ABLIM1: variants seen among roughly 807,000 people sequenced by gnomAD.
ABLIM1 encodes the protein actin binding LIM protein 1, also known as actin-binding LIM protein 1.
Under a neutral mutation model 107.0 loss-of-function variants are expected in ABLIM1, and 40 were observed. That is an observed-to-expected ratio of 0.37 (90% CI 0.29 to 0.49). The LOEUF is 0.49. ABLIM1 is among the 20% of genes least tolerant of loss of function. The probability of loss-of-function intolerance (pLI) is 0.97; values close to 1 mark genes in which losing one functional copy is unlikely to be tolerated. For synonymous variants in ABLIM1, 357 were observed against 357.3 expected, an observed-to-expected ratio of 1.00 and a Z score of 0.01; for missense variants, 857 against 1,008.5, an observed-to-expected ratio of 0.85 and a Z score of 2.04.
intron 1 of ABLIM1, among the ~76,000 whole-genome samples, chr10:114,741,966 G>C (rs936490790): frequency 1.3e-5 from 2 of 152,208 alleles, no homozygotes; most frequent in East Asian, 3.8e-4. Flanking sequence ...TTCTAGAGAC[G>C]TGGAGAGCTG....
intron 6 of ABLIM1, among the ~76,000 whole-genome samples, chr10:114,526,044 A>T (rs2475242): frequency 0.77 from 116,611 of 152,138 alleles, 45,199 homozygotes; most frequent in African/African-American, 0.89. Context: ...TTTACTGCAT[A>T]TCAAAGGTGG....
At chr10:114,541,922 A>T (rs200856338) in intron 6 of ABLIM1, among the ~76,000 whole-genome samples, 12 of 144,874 alleles carry the variant, frequency 8.3e-5, no homozygotes, top group Non-Finnish European at 1.7e-4. Context: ...ACACACACAC[A>T]CTCACACACT....
rs1364145638 is a variant in ABLIM1 at position 114,432,275 on chromosome 10, G to A, written c.*3985C>T. Reference sequence around the variant, plus strand: ...AGGTTAAATAGCTACCAGAAACACAGAAGAGGTGGTTAATAAAAACTGAGA... The same window carrying A: ...AGGTTAAATAGCTACCAGAAACACAAAAGAGGTGGTTAATAAAAACTGAGA... On this transcript the variant is annotated 3_prime_UTR_variant, in exon 23 of 23. Coordinates refer to ENST00000533213, the MANE Select transcript of ABLIM1 (RefSeq NM_002313.7). 2 of 152,216 alleles carry A rather than the reference G, an allele frequency of 1.3e-5. No homozygotes were observed. The highest frequency in any genetic ancestry group is 3.8e-4 in the East Asian group (2 of 5,198). The allele number at this position is 152,216 out of a possible 1,614,324, so 9.4% of individuals were successfully genotyped here.
rs113527038 is a variant in ABLIM1, at chr10:114,766,597, CAT to C, written c.-213+1462_-213+1463del. ...CTTCCTAGGGCATACCGAGATTCCACATAGTTACTTGGCCCCTACAGTGTGCA... is the reference window on the plus strand; with the variant it reads ...CTTCCTAGGGCATACCGAGATTCCACAGTTACTTGGCCCCTACAGTGTGCA... On this transcript the variant is annotated intron_variant, in intron 1 of 15. Transcript: ENST00000651092. Among the ~76,000 whole-genome samples, 865 of 152,250 alleles carry C rather than the reference CAT, an allele frequency of 5.7e-3. 11 individuals are homozygous for C. Among genetic ancestry groups the C allele is most frequent in the African/African-American group, 0.019 (803 of 41,518 alleles).
Position 114,576,493 on chromosome 10 carries a change from ATTC to A in ABLIM1, c.380-897_380-895del, listed in dbSNP as rs138844696. Among the ~76,000 whole-genome samples, 378 of 152,294 alleles carry A rather than the reference ATTC, an allele frequency of 2.5e-3. 3 individuals carry two copies. The highest frequency in any genetic ancestry group is 8.8e-3 in the African/African-American group (367 of 41,566). ...TAATTCCTTAGGCAAAGAATCCAGG[ATTC>A]TTCTTGATTATTTGGTATTCAGTTG... On this transcript the variant is annotated intron_variant, in intron 2 of 22. Transcript: ENST00000533213.
rs193101124 is a variant in ABLIM1 at position 114,683,460 on chromosome 10, G to A, written c.64+830C>T. Among the ~76,000 whole-genome samples the A allele has an allele frequency of 9.9e-5, 15 of 152,194 alleles. No individual in the cohort carries two copies. In the East Asian group the frequency reaches 1.7e-3, roughly 18 times the overall value. On this transcript the variant is annotated intron_variant, in intron 1 of 23. Transcript: ENST00000369256. ...CCAACCTCAGATTCCTTTGTACCTC[G>A]TAACAAGTGTATACATGTGAAGTGT...
chr10:114,463,490 T>G (rs1009400828), intron 12 of ABLIM1, among the ~76,000 whole-genome samples: 1 of 152,038 alleles, frequency 6.6e-6, no homozygotes, highest in Non-Finnish European at 1.5e-5. Flanking sequence ...ACAGCTGTTT[T>G]TAAAAAGCAC....
chr10:114,793,357 A>G, the ABLIM1 span, among the ~76,000 whole-genome samples: 55 of 151,988 alleles, frequency 3.6e-4, 2 homozygotes, highest in South Asian at 0.011. Flanking sequence ...TGCCTTGGCC[A>G]TGTGACGTGC....
chr10:114,526,842 G>GCAA, intron 6 of ABLIM1: 1 of 985,424 alleles, frequency 1.0e-6, no homozygotes, highest in Non-Finnish European at 1.2e-6. Flanking sequence ...CTCGGCTAAG[G>GCAA]CAACGTGCAT....
intron 2 of ABLIM1, among the ~76,000 whole-genome samples, chr10:114,585,544 AT>A (rs1260142492): frequency 6.6e-6 from 1 of 152,098 alleles, no homozygotes; most frequent in African/African-American, 2.4e-5. Flanking sequence ...CCAAATCAAT[AT>A]GGTAAAGACG....
At chr10:114,540,762 G>A (rs1292951462) in intron 6 of ABLIM1, among the ~76,000 whole-genome samples, 1 of 152,112 alleles carries the variant, frequency 6.6e-6, no homozygotes, top group Admixed American at 6.5e-5. Context: ...GTCCTCTTAG[G>A]GCTCAGTGAG....
chr10:114,523,347 G>C (rs1258375055), intron 6 of ABLIM1, among the ~76,000 whole-genome samples: 1 of 152,070 alleles, frequency 6.6e-6, no homozygotes, highest in African/African-American at 2.4e-5. Flanking sequence ...CAGAGAACCA[G>C]GTAGGTTCTC....
intron 1 of ABLIM1, among the ~76,000 whole-genome samples, chr10:114,603,239 A>G (rs1218028591): frequency 6.6e-6 from 1 of 152,208 alleles, no homozygotes; most frequent in Non-Finnish European, 1.5e-5. Flanking sequence ...GTATACCACA[A>G]TATAATAGTT....
chr10:114,550,378 G>GT (rs1012761778), intron 4 of ABLIM1, among the ~76,000 whole-genome samples: 4 of 57,754 alleles, frequency 6.9e-5, no homozygotes, highest in Non-Finnish European at 9.3e-5. Flanking sequence ...AAAACTGATA[G>GT]TTTTTTTTAA....
At chr10:114,463,432 G>A (rs142019872) in intron 12 of ABLIM1, among the ~76,000 whole-genome samples, 1 of 152,086 alleles carries the variant, frequency 6.6e-6, no homozygotes, top group Non-Finnish European at 1.5e-5. Flanking sequence ...ATGGTCACCC[G>A]GATGGTCTCT....
chr10:114,715,387 C>G (rs2081639665), intron 1 of ABLIM1, among the ~76,000 whole-genome samples: 1 of 152,140 alleles, frequency 6.6e-6, no homozygotes, highest in African/African-American at 2.4e-5. Flanking sequence ...AAATCAGTTG[C>G]TAGAAAAGAA....
At chr10:114,544,943 T>C in intron 6 of ABLIM1, 62 bp downstream of exon 6, 1 of 1,508,136 alleles carries the variant, frequency 6.6e-7, no homozygotes, top group African/African-American at 1.4e-5. Flanking sequence ...CCCCTCTTGT[T>C]TGTTTCTGAG....
At chr10:114,681,281 C>T (rs192397866) in intron 1 of ABLIM1, among the ~76,000 whole-genome samples, 5 of 152,288 alleles carry the variant, frequency 3.3e-5, no homozygotes, top group Middle Eastern at 3.4e-3. Flanking sequence ...ACGCAACCTC[C>T]GCCTCTTGGG....
At chr10:114,584,479 G>T (rs996112031) in intron 2 of ABLIM1, among the ~76,000 whole-genome samples, 1 of 151,932 alleles carries the variant, frequency 6.6e-6, no homozygotes. Context: ...ATCCATTTTT[G>T]CTCTGAAACC....
Sources: allele counts gnomAD v4.1 joint callset (sites outside exome capture counted in the v4.1 genomes callset), GRCh38; gene constraint gnomAD v4.1.1; transcripts MANE v1.5; gene names NCBI Gene and HGNC (gene_info 2026-07-23, HGNC 2026-07-21).